SSBP4: variants seen among roughly 807,000 people sequenced by gnomAD.
The protein encoded by SSBP4 is single-stranded DNA-binding protein 4.
Under a neutral mutation model 64.6 loss-of-function variants are expected in SSBP4, and 33 were observed. That is an observed-to-expected ratio of 0.51 (90% confidence interval 0.39 to 0.68). SSBP4 has a LOEUF of 0.68. SSBP4 is among the 30% of genes least tolerant of loss of function. The probability of loss-of-function intolerance (pLI) is 0.00; values close to 1 mark genes in which losing one functional copy is unlikely to be tolerated. For synonymous variants in SSBP4, 243 were observed against 224.0 expected (o/e 1.08, Z -0.76); for missense variants, 583 against 566.8 (o/e 1.03, Z -0.29).
At position 18,427,249 on chromosome 19, in the gene SSBP4, G is replaced by C. The variant is rs1323926262; in HGVS notation, c.60-102G>C. 1 of 1,201,282 alleles carries C rather than the reference G, an allele frequency of 8.3e-7. No homozygotes were observed. Among genetic ancestry groups the C allele is most frequent in the East Asian group, 2.5e-5 (1 of 40,694 alleles). 74.4% of individuals were successfully genotyped at this position (1,201,282 alleles called of 1,614,324 possible). ...AGCTGTCCCTGCTGAGCAGCTGGTG[G>C]GGAGGCCACCTTTCCACCCGCCCTC... is the stretch of plus-strand genomic sequence containing the variant. On this transcript the variant is annotated intron_variant, in intron 1 of 17. Transcript: ENST00000270061. The surrounding 1 kb of genome is among the most constrained non-coding windows in gnomAD (Gnocchi z 4.4).
rs1972972660 is a variant in SSBP4 at position 18,427,859 on chromosome 19, G to A, written c.195-39G>A. 6.2e-7 allele frequency: 1 copy of A among 1,613,904 alleles called. No homozygotes were observed. Among genetic ancestry groups the A allele is most frequent in the Non-Finnish European group, 8.5e-7 (1 of 1,179,864 alleles). On this transcript the variant is annotated intron_variant, in intron 3 of 17. Coordinates refer to ENST00000270061, the MANE Select transcript of SSBP4 (RefSeq NM_032627.5). This position sits in a 1 kb window ranked among gnomAD's most constrained non-coding sequence, Gnocchi z 4.4. ...GGTGGGCTGTGGAAGGGGGTTGAGG[G>A]AGGCACGTGGAGCAACCATCTTCCC...
chr19:18,431,812 G>T lies in SSBP4; in HGVS notation c.515G>T (p.Gly172Val). The T allele has an allele frequency of 6.4e-7, 1 of 1,563,850 alleles. No individual in the cohort carries two copies. Among genetic ancestry groups the T allele is most frequent in the East Asian group, 2.4e-5 (1 of 42,008 alleles). ...CCGCAGCCTCCCGCAGGCCTCCCTG[G>T]CTCCCAGCCCCTCCTCCCTGGCGCC... ...MPSQPPAGLP[G>V]SQPLLPGAME... is the part of the protein sequence containing the mutation. Residue 172 changes from glycine (G) to valine (V), a missense_variant, in exon 8 of 18, where the codon GGC (glycine) becomes GTC (valine). Coordinates refer to ENST00000270061, the MANE Select transcript of SSBP4 (RefSeq NM_032627.5).
intron 17 of SSBP4, 192 bp from the exon 18 acceptor site, chr19:18,434,025 C>T (rs1006024639): frequency 6.2e-6 from 8 of 1,288,168 alleles, no homozygotes; most frequent in South Asian, 2.3e-5. Context: ...CGATCCCATC[C>T]GCCCCCACCC....
upstream of SSBP4, chr19:18,418,906 C>T (rs577128884): frequency 1.4e-5 from 13 of 939,624 alleles, no homozygotes; most frequent in South Asian, 4.9e-4. The surrounding 1 kb of genome is among the most constrained non-coding windows in gnomAD (Gnocchi z 6.7). Flanking sequence ...CCACTGTGAG[C>T]TGGGTGTGTG....
chr19:18,424,231 C>T (rs543899690), intron 1 of SSBP4, among the ~76,000 whole-genome samples: 5 of 152,354 alleles, frequency 3.3e-5, no homozygotes, highest in Admixed American at 2.0e-4. Context: ...TTCATCAGTA[C>T]TTACCCCATG....
At chr19:18,408,969 C>T in the SSBP4 span, among the ~76,000 whole-genome samples, 12 of 152,116 alleles carry the variant, frequency 7.9e-5, no homozygotes, top group African/African-American at 2.7e-4. Flanking sequence ...TGGGCCACCA[C>T]ACTTGGCTAA....
intron 4 of SSBP4, among the ~76,000 whole-genome samples, 182 bp from the exon 5 acceptor site, chr19:18,430,659 C>T (rs1973283721): frequency 6.6e-6 from 1 of 152,156 alleles, no homozygotes; most frequent in African/African-American, 2.4e-5. Flanking sequence ...GACACTGGAT[C>T]CTGCGTCCTA....
chr19:18,433,995 C>T, intron 17 of SSBP4, 178 bp downstream of exon 17: 1 of 1,216,424 alleles, frequency 8.2e-7, no homozygotes, highest in Non-Finnish European at 1.0e-6. Context: ...CCACCACCTC[C>T]CGCTCCTATT....
chr19:18,419,136 C>T, upstream of SSBP4: 1 of 985,428 alleles, frequency 1.0e-6, no homozygotes, highest in Non-Finnish European at 1.2e-6. Context: ...TGTGGGTGGC[C>T]GGCTCCATTT....
In SSBP4 at chr19:18,427,669, C is replaced by T. The variant is rs1025600702; in HGVS notation, c.133-83C>T. On this transcript the variant is annotated intron_variant, in intron 2 of 17. Transcript: ENST00000270061. The surrounding 1 kb of genome is among the most constrained non-coding windows in gnomAD (Gnocchi z 4.4). ...CCCTTCCCTCCCCACTCCCTCCCTGCCCAGATGTTCTCTGGGCACCCTGCT... is the reference window on the plus strand; with the variant it reads ...CCCTTCCCTCCCCACTCCCTCCCTGTCCAGATGTTCTCTGGGCACCCTGCT... 11 of 1,475,944 alleles carry T rather than the reference C, an allele frequency of 7.5e-6. No individual in the cohort carries two copies. The highest frequency in any genetic ancestry group is 1.0e-5 in the Non-Finnish European group (11 of 1,094,504). 91.4% of individuals were successfully genotyped at this position (1,475,944 alleles called of 1,614,324 possible).
At position 18,427,326 on chromosome 19, in the gene SSBP4, T is replaced by A. The variant is rs1228248250; in HGVS notation, c.60-25T>A. 3.1e-6 allele frequency: 5 copies of A among 1,606,304 alleles called. No individual in the cohort carries two copies. In the Admixed American group the frequency reaches 6.7e-5, roughly 21 times the overall value. ...GGCCCTTGCCTTGGAGAGTCTGAGCTCCCTGGGCCGCCTCGCCCCCACAGG... is the reference window on the plus strand; with the variant it reads ...GGCCCTTGCCTTGGAGAGTCTGAGCACCCTGGGCCGCCTCGCCCCCACAGG... On this transcript the variant is annotated intron_variant, in intron 1 of 17. Transcript: ENST00000270061. The surrounding 1 kb of genome is among the most constrained non-coding windows in gnomAD (Gnocchi z 4.4).
chr19:18,424,831 T>C (rs1270390984), intron 1 of SSBP4, among the ~76,000 whole-genome samples: 1 of 135,876 alleles, frequency 7.4e-6, no homozygotes, highest in Admixed American at 8.1e-5. Flanking sequence ...ACAGGATGCA[T>C]GTGTAAAGGC....
chr19:18,409,884 T>G, the SSBP4 span, among the ~76,000 whole-genome samples: 1 of 152,118 alleles, frequency 6.6e-6, no homozygotes, highest in Non-Finnish European at 1.5e-5. Flanking sequence ...CAGGCTGGAG[T>G]GCAGTGGCTC....
intron 5 of SSBP4, 65 bp from the exon 6 acceptor site, chr19:18,431,283 GCCCCT>G: frequency 1.6e-6 from 1 of 614,426 alleles, no homozygotes; most frequent in South Asian, 2.0e-5. Flanking sequence ...CCTCCATGGA[GCCCCT>G]CCCCTCCTCA....
the SSBP4 span, among the ~76,000 whole-genome samples, chr19:18,402,908 G>A: frequency 6.6e-6 from 1 of 152,148 alleles, no homozygotes; most frequent in Admixed American, 6.5e-5. Context: ...TGCTGAGGAG[G>A]ATTAGTAAAA....
Position 18,434,383 on chromosome 19 carries a change from C to G in SSBP4, c.*137C>G. The stretch of plus-strand genomic sequence containing the variant: ...GCTTGCCCAGCTGGGAGGCCCCACA[C>G]GAAAGACTCTTACCATTTTATTAAA... On this transcript the variant is annotated 3_prime_UTR_variant, in exon 18 of 18. Coordinates refer to ENST00000270061, the MANE Select transcript of SSBP4 (RefSeq NM_032627.5). 7.0e-7 allele frequency: 1 copy of G among 1,419,858 alleles called. No individual in the cohort carries two copies. The highest frequency in any genetic ancestry group is 9.3e-7 in the Non-Finnish European group (1 of 1,078,244). The allele number at this position is 1,419,858 out of a possible 1,614,324, so 88.0% of individuals were successfully genotyped here.
rs1972617130 is a variant in SSBP4 at position 18,423,689 on chromosome 19, CACAG to C, written c.60-3661_60-3658del. On this transcript the variant is annotated intron_variant, in intron 1 of 17. Transcript: ENST00000270061. This position sits in a 1 kb window ranked among gnomAD's most constrained non-coding sequence, Gnocchi z 4.0. ...ACCCCATCCTGGCTCTGCTTCCCTG[CACAG>C]CCTCATGCTCGCTCCAGGTCCAGGC... Among the ~76,000 whole-genome samples, 9 of 152,200 alleles carry C rather than the reference CACAG, an allele frequency of 5.9e-5. No individual in the cohort carries two copies. Among genetic ancestry groups the C allele is most frequent in the African/African-American group, 1.7e-4 (7 of 41,456 alleles).
chr19:18,429,416 G>A (rs1444250094), intron 4 of SSBP4, among the ~76,000 whole-genome samples: 2 of 149,570 alleles, frequency 1.3e-5, no homozygotes, highest in Non-Finnish European at 3.0e-5. Flanking sequence ...AGGGCGCGCC[G>A]CCCGGGATTA....
At chr19:18,421,238 C>G (rs1972446593) in intron 1 of SSBP4, among the ~76,000 whole-genome samples, 1 of 152,246 alleles carries the variant, frequency 6.6e-6, no homozygotes, top group Non-Finnish European at 1.5e-5. Flanking sequence ...AGGCAAATGA[C>G]TGCACTGTCA....
Sources: allele counts gnomAD v4.1 joint callset (sites outside exome capture counted in the v4.1 genomes callset), GRCh38; gene constraint gnomAD v4.1.1; non-coding constraint Gnocchi (gnomAD v3.1); transcripts MANE v1.5; gene names NCBI Gene and HGNC (gene_info 2026-07-23, HGNC 2026-07-21).